The following RPH3AL variants were observed in gnomAD, a reference collection of about 807,000 sequenced individuals.
RPH3AL encodes rabphilin 3A like (without C2 domains).
RPH3AL carries 38 observed loss-of-function variants against 43.1 expected under a neutral mutation model. That is an observed-to-expected ratio of 0.88 (90% CI 0.68 to 1.15). The LOEUF (loss-of-function observed/expected upper bound fraction) is 1.15, where lower values mean the gene tolerates loss of function less well. RPH3AL is among the 50% of genes most tolerant of loss of function. RPH3AL has a pLI of 0.00. For synonymous variants in RPH3AL, 189 were observed against 176.3 expected (o/e 1.07, Z -0.57); for missense variants, 462 against 423.2 (o/e 1.09, Z -0.81).
At chr17:314,535 CCTCCAT>C (rs2043807413) in intron 5 of RPH3AL, among the ~76,000 whole-genome samples, 1 of 131,302 alleles carries the variant, frequency 7.6e-6, no homozygotes, top group African/African-American at 2.9e-5. Flanking sequence ...TGTGACTCCA[CCTCCAT>C]TGACCTGTAG....
At chr17:281,671 C>T in intron 6 of RPH3AL, 97 bp downstream of exon 6, 1 of 597,450 alleles carries the variant, frequency 1.7e-6, no homozygotes, top group Non-Finnish European at 3.1e-6. Flanking sequence ...CCAGCCCGCC[C>T]AGCCCTCCCC....
At chr17:269,775 C>T (rs184746826) in intron 6 of RPH3AL, among the ~76,000 whole-genome samples, 70 of 152,348 alleles carry the variant, frequency 4.6e-4, no homozygotes, top group Middle Eastern at 3.4e-3. Context: ...GATGAACTCA[C>T]GGACTGGAGC....
chr17:253,842 C>T (rs374423585), intron 6 of RPH3AL, among the ~76,000 whole-genome samples: 66 of 67,912 alleles, frequency 9.7e-4, no homozygotes, highest in East Asian at 2.6e-3. Context: ...ATGAGGGGAG[C>T]CGCACGGCGT....
chr17:299,903 C>T (rs1168931543), intron 5 of RPH3AL, among the ~76,000 whole-genome samples: 4 of 152,230 alleles, frequency 2.6e-5, no homozygotes, highest in South Asian at 4.1e-4. Flanking sequence ...GCAGGTGTCC[C>T]GGGGGAGAAG....
intron 6 of RPH3AL, among the ~76,000 whole-genome samples, chr17:273,928 C>A (rs72806009): frequency 1.3e-5 from 2 of 152,186 alleles, no homozygotes; most frequent in Non-Finnish European, 2.9e-5. Context: ...GGCCACCCCC[C>A]CTCAGATAAC....
intron 6 of RPH3AL, among the ~76,000 whole-genome samples, chr17:253,207 T>C (rs1282440128): frequency 6.6e-6 from 1 of 152,162 alleles, no homozygotes; most frequent in Non-Finnish European, 1.5e-5. Flanking sequence ...CTGCCATCCC[T>C]AGGACAGGCC....
chr17:314,270 C>A (rs902477157), intron 5 of RPH3AL, among the ~76,000 whole-genome samples: 17 of 152,206 alleles, frequency 1.1e-4, no homozygotes, highest in African/African-American at 4.1e-4. Context: ...TGCCTCTCCA[C>A]AGGCCCCTAT....
At chr17:319,332 C>G (rs2044391898) in intron 5 of RPH3AL, 88 bp downstream of exon 5, 1 of 1,481,536 alleles carries the variant, frequency 6.7e-7, no homozygotes, top group Non-Finnish European at 9.2e-7. Flanking sequence ...GACATACACA[C>G]TCCTGGGAGC....
chr17:341,856 C>T (rs1016980274), intron 1 of RPH3AL, among the ~76,000 whole-genome samples: 3 of 152,126 alleles, frequency 2.0e-5, no homozygotes, highest in South Asian at 4.1e-4. Flanking sequence ...CTGACTTTAT[C>T]GTAATTTGTA....
At chr17:305,366 G>A (rs2151644704) in intron 5 of RPH3AL, among the ~76,000 whole-genome samples, 1 of 152,188 alleles carries the variant, frequency 6.6e-6, no homozygotes, top group South Asian at 2.1e-4. Context: ...GACAATCCGG[G>A]AGGGTGGGGT....
intron 5 of RPH3AL, among the ~76,000 whole-genome samples, chr17:304,952 G>A (rs201473595): frequency 7.1e-5 from 3 of 42,072 alleles, no homozygotes; most frequent in East Asian, 1.5e-3. Context: ...AGGGCGAGAG[G>A]GGGACAGGGC....
chr17:261,516 C>T (rs1457371414), intron 6 of RPH3AL, among the ~76,000 whole-genome samples: 1 of 152,200 alleles, frequency 6.6e-6, no homozygotes, highest in East Asian at 1.9e-4. Context: ...CCACTGTTTA[C>T]ACCACTCAGT....
At chr17:269,593 C>T (rs1366452813) in intron 6 of RPH3AL, among the ~76,000 whole-genome samples, 8 of 152,180 alleles carry the variant, frequency 5.3e-5, no homozygotes, top group Admixed American at 4.6e-4. Flanking sequence ...TACTACCCAA[C>T]GTCTTTGGGC....
chr17:331,663 C>T (rs1231211200), intron 2 of RPH3AL: 12 of 1,288,028 alleles, frequency 9.3e-6, no homozygotes, highest in African/African-American at 1.5e-5. Flanking sequence ...CTCCCTGACT[C>T]GGCAGCAAGG....
At chr17:292,421 C>G (rs1158406894) in intron 5 of RPH3AL, among the ~76,000 whole-genome samples, 1 of 152,252 alleles carries the variant, frequency 6.6e-6, no homozygotes, top group Non-Finnish European at 1.5e-5. Flanking sequence ...GGTACTTATG[C>G]TTACACTAGG....
At chr17:280,555 G>A (rs889403019) in intron 6 of RPH3AL, among the ~76,000 whole-genome samples, 2 of 152,190 alleles carry the variant, frequency 1.3e-5, no homozygotes, top group African/African-American at 4.8e-5. Context: ...AGCTAGAAGA[G>A]CCGGGTGGGA....
chr17:261,962 A>C (rs1555546350), intron 6 of RPH3AL: 1 of 152,202 alleles, frequency 6.6e-6, no homozygotes, highest in Non-Finnish European at 1.5e-5. Context: ...AAGCTGCATA[A>C]AAGAGGATGT....
At chr17:241,570 C>T (rs933184233) in intron 7 of RPH3AL, among the ~76,000 whole-genome samples, 5 of 151,972 alleles carry the variant, frequency 3.3e-5, no homozygotes, top group African/African-American at 1.2e-4. Context: ...AAAAAAGCAC[C>T]ATGCAGAGTG....
At chr17:260,448 C>A (rs183139140) in intron 6 of RPH3AL, among the ~76,000 whole-genome samples, 6 of 152,334 alleles carry the variant, frequency 3.9e-5, no homozygotes, top group African/African-American at 1.4e-4. Flanking sequence ...TGCTATGTTA[C>A]TGACCGACCA....
Sources: gnomAD v4.1 joint callset for allele counts (sites outside exome capture counted in the v4.1 genomes callset) on GRCh38, gnomAD v4.1.1 for gene constraint, MANE v1.5 for transcripts, NCBI Gene and HGNC (gene_info 2026-07-23, HGNC 2026-07-21) for gene names.